Variants in ZNF407 observed in about 807,000 individuals in gnomAD.
ZNF407 encodes zinc finger protein 407.
ZNF407 carries 17 observed loss-of-function variants against 131.2 expected under a neutral mutation model. That is an observed-to-expected ratio of 0.13 (90% CI 0.09 to 0.19). ZNF407 has a LOEUF of 0.19. Among genes scored for constraint, ZNF407 ranks in the 10% least tolerant of loss-of-function variants. The pLI is 1.00. For synonymous variants in ZNF407, 1,156 were observed against 1,062.0 expected, an observed-to-expected ratio of 1.09 and a Z score of -1.72; for missense variants, 2,681 against 2,830.6, an observed-to-expected ratio of 0.95 and a Z score of 1.20.
At chr18:74,644,312 G>A (rs1299791103) in intron 3 of ZNF407, among the ~76,000 whole-genome samples, 1 of 150,772 alleles carries the variant, frequency 6.6e-6, no homozygotes, top group East Asian at 2.0e-4. Context: ...ATGAAAATCT[G>A]TTATGACTCT....
At chr18:75,033,213 G>C (rs1056267807) in intron 8 of ZNF407, among the ~76,000 whole-genome samples, 2 of 138,494 alleles carry the variant, frequency 1.4e-5, no homozygotes, top group African/African-American at 5.5e-5. Flanking sequence ...CTCGGAATGG[G>C]GGGAAGATAG....
Position 74,842,289 on chromosome 18 carries a change from G to A in ZNF407, c.4878-34908G>A, listed in dbSNP as rs111626025. 5.9e-3 allele frequency among the ~76,000 whole-genome samples: 899 copies of A among 152,160 alleles called. 13 individuals carry two copies. The highest frequency in any genetic ancestry group is 0.02 in the African/African-American group (845 of 41,516). The stretch of plus-strand genomic sequence containing the variant: ...CTCAGTAGCCAATTTCACTTTCTTT[G>A]TGTTGGCCCATAAATTTACAGCCTC... On this transcript the variant is annotated intron_variant, in intron 4 of 8. Transcript: ENST00000299687.
chr18:74,864,006 T>G lies in ZNF407; in HGVS notation c.4878-13191T>G, dbSNP rs915323307. ...ATAAAGAAACATTCAAACCTCTGTC[T>G]CCTGCAAGTCAGGTCTCTTTATTCC... On this transcript the variant is annotated intron_variant, in intron 4 of 8. Coordinates refer to ENST00000299687, the MANE Select transcript of ZNF407 (RefSeq NM_017757.3). Among the ~76,000 whole-genome samples, 22 of 152,348 alleles carry G rather than the reference T, an allele frequency of 1.4e-4. 1 individual carries two copies. Among genetic ancestry groups the G allele is most frequent in the African/African-American group, 5.3e-4 (22 of 41,578 alleles).
chr18:74,716,933 G>A (rs1045764965), intron 3 of ZNF407, among the ~76,000 whole-genome samples: 1 of 152,098 alleles, frequency 6.6e-6, no homozygotes, highest in African/African-American at 2.4e-5. Context: ...GTTCCAACTC[G>A]AACATTCATA....
chr18:74,615,549 C>T (rs1983249160), intron 1 of ZNF407, among the ~76,000 whole-genome samples: 1 of 152,184 alleles, frequency 6.6e-6, no homozygotes, highest in African/African-American at 2.4e-5. Context: ...TTAACATATT[C>T]TAGCAGTTGT....
chr18:74,739,890 C>G (rs1968508498), intron 3 of ZNF407, among the ~76,000 whole-genome samples: 1 of 152,026 alleles, frequency 6.6e-6, no homozygotes, highest in African/African-American at 2.4e-5. Flanking sequence ...TTAAATGGAA[C>G]TTTATTATTG....
chr18:74,612,216 T>C (rs62097590), intron 1 of ZNF407, among the ~76,000 whole-genome samples: 22,654 of 152,042 alleles, frequency 0.15, 2,014 homozygotes, highest in African/African-American at 0.24. Context: ...GTTAGAAATA[T>C]GGATATGATA....
chr18:74,658,281 G>C (rs1043536437), intron 3 of ZNF407, among the ~76,000 whole-genome samples: 1 of 152,010 alleles, frequency 6.6e-6, no homozygotes, highest in African/African-American at 2.4e-5. Flanking sequence ...ACCATGCCCA[G>C]CTAATTTTTG....
chr18:74,870,581 A>C (rs1971072712), intron 4 of ZNF407, among the ~76,000 whole-genome samples: 2 of 152,204 alleles, frequency 1.3e-5, no homozygotes, highest in South Asian at 4.1e-4. Context: ...GTCTAGTCTA[A>C]CTTAAATGAT....
chr18:74,910,552 C>T (rs1304002203), intron 7 of ZNF407, among the ~76,000 whole-genome samples: 1 of 151,976 alleles, frequency 6.6e-6, no homozygotes, highest in African/African-American at 2.4e-5. Flanking sequence ...CTTTTTAAAG[C>T]AGTTATGTGT....
chr18:74,947,934 G>A (rs1029180654), intron 8 of ZNF407, among the ~76,000 whole-genome samples: 12 of 152,296 alleles, frequency 7.9e-5, no homozygotes, highest in African/African-American at 2.9e-4. Context: ...ACAGAAAAGT[G>A]CTGTAAATTC....
intron 3 of ZNF407, among the ~76,000 whole-genome samples, chr18:74,775,330 A>G (rs1000938103): frequency 8.5e-5 from 13 of 152,158 alleles, no homozygotes; most frequent in African/African-American, 2.9e-4. Flanking sequence ...GTATGATGAC[A>G]CAACTGTAAG....
At chr18:74,707,100 G>A (rs12455286) in intron 3 of ZNF407, among the ~76,000 whole-genome samples, 104,596 of 151,948 alleles carry the variant, frequency 0.69, 36,965 homozygotes, top group East Asian at 0.85. Flanking sequence ...ACAGTTATAC[G>A]ATACCATGCC....
chr18:74,782,319 T>G (rs1375076487), intron 4 of ZNF407, among the ~76,000 whole-genome samples: 1 of 152,248 alleles, frequency 6.6e-6, no homozygotes, highest in Non-Finnish European at 1.5e-5. Context: ...TCTGTTACTC[T>G]GAAGCCTGAG....
chr18:74,725,231 GC>G, intron 3 of ZNF407, among the ~76,000 whole-genome samples: 1 of 151,994 alleles, frequency 6.6e-6, no homozygotes. Flanking sequence ...GACCTCCTAG[GC>G]TCCAGTGAGC....
At chr18:74,764,005 G>GC (rs1195851121) in intron 3 of ZNF407, among the ~76,000 whole-genome samples, 4 of 151,872 alleles carry the variant, frequency 2.6e-5, no homozygotes, top group Non-Finnish European at 5.9e-5. Context: ...GAGCCACCGC[G>GC]CCCGGCCATC....
intron 8 of ZNF407, chr18:75,062,220 A>G (rs1015150580): frequency 6.6e-6 from 1 of 152,220 alleles, no homozygotes; most frequent in African/African-American, 2.4e-5. Flanking sequence ...TCCTGAAGAC[A>G]GGGCTACAAT....
At chr18:74,987,586 T>A (rs533135433) in intron 8 of ZNF407, among the ~76,000 whole-genome samples, 1 of 152,258 alleles carries the variant, frequency 6.6e-6, no homozygotes, top group South Asian at 2.1e-4. Flanking sequence ...GAGAGGAGAA[T>A]ATGATGTGAA....
At chr18:75,022,943 G>C (rs8097915) in intron 8 of ZNF407, among the ~76,000 whole-genome samples, 1 of 152,062 alleles carries the variant, frequency 6.6e-6, no homozygotes, top group Non-Finnish European at 1.5e-5. Flanking sequence ...ATGCTCATCA[G>C]TGATAGACTG....
Sources: gnomAD v4.1 joint callset for allele counts (sites outside exome capture counted in the v4.1 genomes callset) on GRCh38, gnomAD v4.1.1 for gene constraint, MANE v1.5 for transcripts, NCBI Gene and HGNC (gene_info 2026-07-23, HGNC 2026-07-21) for gene names.